SLC35F1: variants seen among roughly 807,000 people sequenced by gnomAD.
The protein encoded by SLC35F1 is chromosome 6 open reading frame 169.
In SLC35F1, 14 loss-of-function variants were observed where a neutral mutation model predicts 48.7. That is an observed-to-expected ratio of 0.29 (90% CI 0.19 to 0.45). The LOEUF is 0.45. Ranked by LOEUF, SLC35F1 falls within the 20% of genes least tolerant of loss-of-function variation. The pLI is 1.00. For missense variants in SLC35F1, 404 were observed against 500.0 expected (o/e 0.81, Z 1.83); for synonymous variants, 190 against 202.2 (o/e 0.94, Z 0.51).
chr6:118,083,719 T>C (rs1772944837), intron 1 of SLC35F1, among the ~76,000 whole-genome samples: 2 of 152,230 alleles, frequency 1.3e-5, no homozygotes, highest in South Asian at 4.1e-4. Flanking sequence ...GCAATACATG[T>C]TATAACTAAA....
chr6:117,967,197 A>G (rs1434345221), intron 1 of SLC35F1, among the ~76,000 whole-genome samples: 1 of 152,196 alleles, frequency 6.6e-6, no homozygotes, highest in Non-Finnish European at 1.5e-5. Flanking sequence ...GCACACAGAA[A>G]AAGGAGCTGA....
At chr6:117,910,884 C>T (rs1775753353) in intron 1 of SLC35F1, among the ~76,000 whole-genome samples, 1 of 152,184 alleles carries the variant, frequency 6.6e-6, no homozygotes, top group Non-Finnish European at 1.5e-5. Context: ...CCTGTCTACC[C>T]AGGGAGAGTT....
intron 1 of SLC35F1, among the ~76,000 whole-genome samples, chr6:118,103,315 A>C (rs1291374416): frequency 6.6e-6 from 1 of 152,184 alleles, no homozygotes; most frequent in Non-Finnish European, 1.5e-5. Context: ...CATGTGCACA[A>C]CGTGCAGGTT....
At chr6:118,291,580 T>C (rs1776123431) in intron 7 of SLC35F1, among the ~76,000 whole-genome samples, 1 of 152,184 alleles carries the variant, frequency 6.6e-6, no homozygotes, top group African/African-American at 2.4e-5. Flanking sequence ...ATCTATTTGG[T>C]TAAACCTGTA....
At chr6:118,162,488 A>T (rs1335709643) in intron 2 of SLC35F1, among the ~76,000 whole-genome samples, 1 of 152,204 alleles carries the variant, frequency 6.6e-6, no homozygotes, top group Non-Finnish European at 1.5e-5. Flanking sequence ...GAAACTCTTC[A>T]AACTATACAC....
chr6:118,243,301 C>T (rs762543831), intron 3 of SLC35F1, among the ~76,000 whole-genome samples: 1 of 152,076 alleles, frequency 6.6e-6, no homozygotes, highest in Admixed American at 6.6e-5. Flanking sequence ...ATTTGGCATA[C>T]GTATTACTTT....
chr6:117,999,104 C>A (rs188125104), intron 1 of SLC35F1: 59 of 1,559,390 alleles, frequency 3.8e-5, no homozygotes, highest in Non-Finnish European at 4.8e-5. Context: ...GAGGAACATG[C>A]GCTTTGCCAA....
At chr6:118,110,081 A>T (rs1433756114) in intron 1 of SLC35F1, among the ~76,000 whole-genome samples, 1 of 152,124 alleles carries the variant, frequency 6.6e-6, no homozygotes, top group Non-Finnish European at 1.5e-5. Flanking sequence ...AATGCTAGGT[A>T]TTTGAGAGCA....
intron 1 of SLC35F1, among the ~76,000 whole-genome samples, chr6:118,083,250 CA>C (rs1772938484): frequency 6.6e-6 from 1 of 152,040 alleles, no homozygotes; most frequent in Admixed American, 6.5e-5. Flanking sequence ...TTAATATTAC[CA>C]AACTGAATTG....
At chr6:118,287,660 G>A (rs1414333715) in intron 7 of SLC35F1, among the ~76,000 whole-genome samples, 1 of 152,168 alleles carries the variant, frequency 6.6e-6, no homozygotes, top group Non-Finnish European at 1.5e-5. Context: ...TGCCCTCTGA[G>A]TTTGAGAACC....
At chr6:118,173,067 T>C (rs1774430380) in intron 2 of SLC35F1, among the ~76,000 whole-genome samples, 1 of 152,114 alleles carries the variant, frequency 6.6e-6, no homozygotes, top group African/African-American at 2.4e-5. Context: ...CAGCACATCA[T>C]CTTTAATCCC....
At chr6:117,935,327 TAGTA>T (rs775625384) in intron 1 of SLC35F1, among the ~76,000 whole-genome samples, 7 of 152,182 alleles carry the variant, frequency 4.6e-5, no homozygotes, top group Non-Finnish European at 4.4e-5. Context: ...TGCTGCAAAT[TAGTA>T]AGTAAGCAAA....
At chr6:117,994,362 C>T (rs1057021666) in intron 1 of SLC35F1, among the ~76,000 whole-genome samples, 1 of 151,980 alleles carries the variant, frequency 6.6e-6, no homozygotes, top group Non-Finnish European at 1.5e-5. Flanking sequence ...CCAGGATAAC[C>T]TCCCAATTTT....
rs546166906 is a variant in SLC35F1, at chr6:118,090,098, A to G, written c.174-64347A>G. Among the ~76,000 whole-genome samples the G allele has an allele frequency of 6.8e-4, 104 of 152,336 alleles. 1 individual carries two copies. The South Asian group carries it at 0.02, about 29-fold the overall frequency. On this transcript the variant is annotated intron_variant, in intron 1 of 7. Coordinates refer to ENST00000360388, the MANE Select transcript of SLC35F1 (RefSeq NM_001029858.4). ...CTCAAAGATGTCAAGATAATTATAA[A>G]AATTCTGGCAGGGACTGAAGAATCT...
At chr6:118,163,674 A>G (rs866639260) in intron 2 of SLC35F1, among the ~76,000 whole-genome samples, 10 of 152,210 alleles carry the variant, frequency 6.6e-5, no homozygotes, top group African/African-American at 2.4e-4. Context: ...ACGCAGCTCC[A>G]TCTTTCATGT....
chr6:118,154,424 T>G (rs761191692), intron 1 of SLC35F1, 21 bp from the exon 2 acceptor site: 4 of 1,589,594 alleles, frequency 2.5e-6, no homozygotes, highest in Admixed American at 3.6e-5. Flanking sequence ...TTTGCTGTGT[T>G]TTTTTTCCTT....
At chr6:117,975,038 A>G (rs1385210422) in intron 1 of SLC35F1, among the ~76,000 whole-genome samples, 3 of 152,246 alleles carry the variant, frequency 2.0e-5, no homozygotes, top group Non-Finnish European at 4.4e-5. Context: ...GGGATTTCCC[A>G]CACCACACTT....
chr6:118,164,986 G>A (rs1396994925), intron 2 of SLC35F1, among the ~76,000 whole-genome samples: 1 of 152,152 alleles, frequency 6.6e-6, no homozygotes, highest in African/African-American at 2.4e-5. Flanking sequence ...AGGGTATAGA[G>A]TCAGAGATTT....
At chr6:118,041,828 G>A (rs1359886197) in intron 1 of SLC35F1, among the ~76,000 whole-genome samples, 1 of 152,084 alleles carries the variant, frequency 6.6e-6, no homozygotes, top group African/African-American at 2.4e-5. Flanking sequence ...GTCAGGGATT[G>A]GAAAGGCAGC....
Sources: allele counts gnomAD v4.1 joint callset (sites outside exome capture counted in the v4.1 genomes callset), GRCh38; gene constraint gnomAD v4.1.1; transcripts MANE v1.5; gene names NCBI Gene and HGNC (gene_info 2026-07-23, HGNC 2026-07-21).